The following SOX5 variants were observed in gnomAD, a reference collection of about 807,000 sequenced individuals.
SOX5 encodes transcription factor SOX-5.
SOX5 carries 9 observed loss-of-function variants against 92.0 expected under a neutral mutation model. The observed-to-expected ratio is 0.10, with a 90% CI of 0.06 to 0.17. SOX5 has a LOEUF of 0.17. Among genes scored for constraint, SOX5 ranks in the 10% least tolerant of loss-of-function variants. SOX5 has a pLI of 1.00. For synonymous variants in SOX5, 344 were observed against 336.3 expected (o/e 1.02, Z -0.25); for missense variants, 642 against 944.5 (o/e 0.68, Z 4.20).
chr12:23,914,860 G>A (rs989610583), intron 1 of SOX5, among the ~76,000 whole-genome samples: 3 of 151,968 alleles, frequency 2.0e-5, no homozygotes, highest in Non-Finnish European at 4.4e-5. Context: ...TCTAATAGAC[G>A]TTTAATCCAG....
intron 4 of SOX5, among the ~76,000 whole-genome samples, chr12:24,095,048 A>C (rs1259146675): frequency 6.6e-6 from 1 of 151,430 alleles, no homozygotes; most frequent in Non-Finnish European, 1.5e-5. Flanking sequence ...AAGATTGTAC[A>C]TTACAAATCT....
intron 6 of SOX5, among the ~76,000 whole-genome samples, chr12:23,674,089 T>G (rs1414032773): frequency 2.0e-5 from 3 of 152,142 alleles, no homozygotes; most frequent in African/African-American, 7.2e-5. Flanking sequence ...TATGTATACT[T>G]TATCCAGCCT....
intron 3 of SOX5, among the ~76,000 whole-genome samples, chr12:24,228,764 T>C (rs1962676776): frequency 1.3e-5 from 2 of 152,142 alleles, no homozygotes; most frequent in South Asian, 4.1e-4. Flanking sequence ...TTCATTTCCA[T>C]GCTAATCTTT....
chr12:24,073,953 G>A (rs967502947), intron 4 of SOX5, among the ~76,000 whole-genome samples: 2 of 152,022 alleles, frequency 1.3e-5, no homozygotes, highest in Non-Finnish European at 2.9e-5. Flanking sequence ...ACAGAGAAAA[G>A]GTGAGACTTC....
intron 4 of SOX5, among the ~76,000 whole-genome samples, chr12:24,116,050 G>A (rs1484006923): frequency 1.3e-5 from 2 of 152,024 alleles, no homozygotes; most frequent in Non-Finnish European, 1.5e-5. Flanking sequence ...AAAGATAATC[G>A]ATTGAGAAGC....
chr12:24,154,136 C>T (rs1951929372), intron 4 of SOX5, among the ~76,000 whole-genome samples: 1 of 152,102 alleles, frequency 6.6e-6, no homozygotes, highest in Admixed American at 6.6e-5. Flanking sequence ...TCTAGGAGAG[C>T]AGTAGTAAAC....
chr12:24,140,819 ACT>A (rs1324090333), intron 4 of SOX5, among the ~76,000 whole-genome samples: 2 of 152,170 alleles, frequency 1.3e-5, no homozygotes, highest in African/African-American at 2.4e-5. Flanking sequence ...AACGACAAAA[ACT>A]CTCTTAAAAA....
intron 2 of SOX5, among the ~76,000 whole-genome samples, chr12:24,278,969 A>G (rs1233441833): frequency 2.0e-5 from 3 of 151,876 alleles, no homozygotes; most frequent in Non-Finnish European, 4.4e-5. Context: ...TAAGTGGAAC[A>G]GTGAAATTTT....
intron 4 of SOX5, among the ~76,000 whole-genome samples, chr12:24,010,515 G>A (rs952292482): frequency 6.6e-6 from 1 of 152,140 alleles, no homozygotes; most frequent in Non-Finnish European, 1.5e-5. Context: ...ACATACAAGA[G>A]GCTAAACCAA....
intron 4 of SOX5, among the ~76,000 whole-genome samples, chr12:24,115,500 G>A (rs921853346): frequency 3.9e-5 from 6 of 152,052 alleles, no homozygotes; most frequent in Non-Finnish European, 5.9e-5. Context: ...CCAGAATACC[G>A]CAATCCAAAG....
At chr12:23,801,137 C>G (rs1266510022) in intron 3 of SOX5, among the ~76,000 whole-genome samples, 1 of 152,170 alleles carries the variant, frequency 6.6e-6, no homozygotes, top group African/African-American at 2.4e-5. Flanking sequence ...GCTCCTAAGG[C>G]AATTTTACAT....
At chr12:24,432,060 C>G (rs538196984) in intron 1 of SOX5, among the ~76,000 whole-genome samples, 1 of 152,254 alleles carries the variant, frequency 6.6e-6, no homozygotes, top group Admixed American at 6.5e-5. Context: ...GTCACCCCAC[C>G]TCAGGAATCC....
At chr12:24,436,893 A>G (rs1939541470) in intron 1 of SOX5, among the ~76,000 whole-genome samples, 1 of 152,194 alleles carries the variant, frequency 6.6e-6, no homozygotes, top group South Asian at 2.1e-4. Context: ...TAGGGCCCTT[A>G]AGAATTGGAG....
chr12:23,611,876 A>G (rs2076004301), intron 8 of SOX5, among the ~76,000 whole-genome samples: 1 of 151,698 alleles, frequency 6.6e-6, no homozygotes, highest in Admixed American at 6.6e-5. Flanking sequence ...CAAATCACCA[A>G]CTTCATTAAA....
intron 3 of SOX5, among the ~76,000 whole-genome samples, chr12:24,215,010 A>G (rs972897422): frequency 3.3e-5 from 5 of 152,122 alleles, no homozygotes; most frequent in Non-Finnish European, 5.9e-5. Context: ...AAATCATACA[A>G]TATCTCTATA....
At chr12:23,777,889 T>C (rs1372602570) in intron 3 of SOX5, among the ~76,000 whole-genome samples, 1 of 152,222 alleles carries the variant, frequency 6.6e-6, no homozygotes, top group Non-Finnish European at 1.5e-5. Flanking sequence ...ATTCCCTTAG[T>C]TGGTCTCAGT....
At chr12:23,927,806 G>A (rs1040734103) in intron 1 of SOX5, among the ~76,000 whole-genome samples, 32 of 152,036 alleles carry the variant, frequency 2.1e-4, no homozygotes, top group African/African-American at 7.2e-4. Context: ...TGATGATCAC[G>A]AGTAAGACCA....
Position 24,033,888 on chromosome 12 carries a change from T to A in SOX5, c.-1-137864A>T, listed in dbSNP as rs552426547. On this transcript the variant is annotated intron_variant, in intron 4 of 4. Transcript: ENST00000446891. The stretch of plus-strand genomic sequence containing the variant: ...GGAATAGCCAAAACCACAATATAGT[T>A]CCCTTTTTTTGCTTGTTTTCAATGA... Among the ~76,000 whole-genome samples the A allele has an allele frequency of 4.4e-4, 67 of 152,098 alleles. 1 individual carries two copies. In the South Asian group the frequency reaches 0.013, roughly 30 times the overall value.
At chr12:24,340,081 C>T (rs1010080591) in intron 2 of SOX5, among the ~76,000 whole-genome samples, 1 of 152,232 alleles carries the variant, frequency 6.6e-6, no homozygotes, top group Non-Finnish European at 1.5e-5. Context: ...CATGTCCAGT[C>T]CTGTTAGCCT....
Sources: allele counts gnomAD v4.1 joint callset (sites outside exome capture counted in the v4.1 genomes callset), GRCh38; gene constraint gnomAD v4.1.1; transcripts MANE v1.5; gene names NCBI Gene and HGNC (gene_info 2026-07-23, HGNC 2026-07-21).